LSM14B: variants seen among roughly 807,000 people sequenced by gnomAD.
LSM14B encodes LSM family member 14B.
LSM14B carries 8 observed loss-of-function variants against 42.1 expected under a neutral mutation model. That is an observed-to-expected ratio of 0.19 (90% confidence interval 0.11 to 0.34). The LOEUF (loss-of-function observed/expected upper bound fraction) is 0.34, where lower values mean the gene tolerates loss of function less well. LSM14B is among the 10% of genes least tolerant of loss of function. LSM14B has a pLI of 1.00. For missense variants in LSM14B, 396 were observed against 513.1 expected, an observed-to-expected ratio of 0.77 and a Z score of 2.21; for synonymous variants, 219 against 209.7, an observed-to-expected ratio of 1.04 and a Z score of -0.38.
At chr20:62,123,068 G>A (rs759085954) in intron 1 of LSM14B, 18 of 178,488 alleles carry the variant, frequency 1.0e-4, no homozygotes, top group Non-Finnish European at 1.5e-4. Context: ...CGGGCGCCCG[G>A]CGGTGTTTGG....
Position 62,122,539 on chromosome 20 carries a change from C to A in LSM14B, c.-128C>A, listed in dbSNP as rs1600902774. 2 of 665,894 alleles carry A rather than the reference C, an allele frequency of 3.0e-6. No homozygotes were observed. The highest frequency in any genetic ancestry group is 3.7e-6 in the Non-Finnish European group (2 of 538,298). The allele number at this position is 665,894 out of a possible 1,614,324, so 41.2% of individuals were successfully genotyped here. A position where few individuals can be genotyped will look rare whatever the true frequency, so the allele number is the denominator to read the frequency against. ...GGCCCCTCGGGCGGTGGCGAGGAGG[C>A]GCCCAGGCGGAGGCGGCGGCGGGCG... is the stretch of plus-strand genomic sequence containing the variant. On this transcript the variant is annotated 5_prime_UTR_variant, in exon 1 of 9. Coordinates refer to ENST00000279068, the MANE Select transcript of LSM14B (RefSeq NM_144703.3). This position sits in a 1 kb window ranked among gnomAD's most constrained non-coding sequence, Gnocchi z 4.6.
chr20:62,128,106 A>G (rs746922301), intron 3 of LSM14B: 2 of 450,750 alleles, frequency 4.4e-6, no homozygotes, highest in Non-Finnish European at 8.2e-6. Context: ...TTCATAGATC[A>G]CTCATTGAGG....
chr20:62,133,290 C>T lies in LSM14B; in HGVS notation c.987C>T (p.Ser329=). The change falls in exon 8 of 9, where the codon AGC becomes AGT. Residue 329 remains serine (S), a splice_region_variant and synonymous_variant. Transcript: ENST00000279068. ...FDNISSELKT[S]SRRTTWAEER... ...AATCAGCATTTCCTCTGTGGTTTAG[C>T]TCCAGGCGGACGACGTGGGCCGAAG... The T allele has an allele frequency of 6.2e-7, 1 of 1,613,278 alleles. No individual in the cohort carries two copies. Among genetic ancestry groups the T allele is most frequent in the South Asian group, 1.1e-5 (1 of 91,050 alleles).
chr20:62,128,491 CTT>C (rs199749774), intron 3 of LSM14B, among the ~76,000 whole-genome samples: 3 of 151,658 alleles, frequency 2.0e-5, no homozygotes, highest in African/African-American at 2.4e-5. Flanking sequence ...ACAGAGTAGT[CTT>C]TTTTTTTCCC....
chr20:62,130,324 G>GGGAC lies in LSM14B; in HGVS notation c.673+29_673+32dup, dbSNP rs1395336789. On this transcript the variant is annotated intron_variant, in intron 5 of 8. Transcript: ENST00000279068. This position sits in a 1 kb window ranked among gnomAD's most constrained non-coding sequence, Gnocchi z 4.1. ...AACACCTGTTGCCACTTGATTTCTG[G>GGGAC]GGACCACGAGTGATCAGGCTGAGCT... is the stretch of plus-strand genomic sequence containing the variant. The GGGAC allele has an allele frequency of 6.4e-7, 1 of 1,568,836 alleles. No individual in the cohort carries two copies. Among genetic ancestry groups the GGGAC allele is most frequent in the Admixed American group, 1.9e-5 (1 of 52,920 alleles).
intron 7 of LSM14B, among the ~76,000 whole-genome samples, chr20:62,131,876 G>T (rs1230638127): frequency 6.6e-6 from 1 of 152,234 alleles, no homozygotes; most frequent in African/African-American, 2.4e-5. Context: ...AGCAGCCTGA[G>T]GTATGGCTAG....
Position 62,122,807 on chromosome 20 carries a change from C to T in LSM14B, c.127+14C>T, listed in dbSNP as rs371351995. 6 of 1,482,180 alleles carry T rather than the reference C, an allele frequency of 4.0e-6. No individual in the cohort carries two copies. Among genetic ancestry groups the T allele is most frequent in the Non-Finnish European group, 5.4e-6 (6 of 1,106,546 alleles). 91.8% of individuals were successfully genotyped at this position (1,482,180 alleles called of 1,614,324 possible). A position where few individuals can be genotyped will look rare whatever the true frequency, so the allele number is the denominator to read the frequency against. The stretch of plus-strand genomic sequence containing the variant: ...CGCTCGCCAAAGGTAGCGGCCGCCG[C>T]CCGCCCGAGCCCGCTGACCCCCGTC... On this transcript the variant is annotated intron_variant, in intron 1 of 8. Coordinates refer to ENST00000279068, the MANE Select transcript of LSM14B (RefSeq NM_144703.3). This position sits in a 1 kb window ranked among gnomAD's most constrained non-coding sequence, Gnocchi z 4.6.
intron 3 of LSM14B, chr20:62,127,733 C>T (rs1230001842): frequency 5.0e-6 from 7 of 1,411,760 alleles, no homozygotes; most frequent in Non-Finnish European, 6.9e-6. Flanking sequence ...TGCATGCTGT[C>T]TTGCAAACCA....
chr20:62,134,067 G>C, intron 8 of LSM14B, 96 bp from the exon 9 acceptor site: 1 of 367,866 alleles, frequency 2.7e-6, no homozygotes, highest in Non-Finnish European at 5.5e-6. Context: ...TCTGACTCTG[G>C]GGGCAGGAGG....
intron 8 of LSM14B, among the ~76,000 whole-genome samples, chr20:62,133,826 G>A (rs6089660): frequency 0.65 from 98,453 of 152,220 alleles, 35,639 homozygotes; most frequent in Non-Finnish European, 0.8. Context: ...CCGGCCCTAA[G>A]TGAATCAGAG....
rs147288677 is a variant in LSM14B, at chr20:62,129,730, T to A, written c.428-55T>A. The stretch of plus-strand genomic sequence containing the variant: ...AGCAGAAGAGAAATGCCTGGAGATA[T>A]AAGGCTTGCTTCTTTTCTCTCTGTT... On this transcript the variant is annotated intron_variant, in intron 3 of 8. Coordinates refer to ENST00000279068, the MANE Select transcript of LSM14B (RefSeq NM_144703.3). 252 of 1,506,682 alleles carry A rather than the reference T, an allele frequency of 1.7e-4. 1 individual carries two copies. Among genetic ancestry groups the A allele is most frequent in the Non-Finnish European group, 2.1e-4 (234 of 1,119,136 alleles). The allele number at this position is 1,506,682 out of a possible 1,614,324, so 93.3% of individuals were successfully genotyped here.
At chr20:62,123,620 C>T (rs1227753872) in intron 1 of LSM14B, among the ~76,000 whole-genome samples, 1 of 152,174 alleles carries the variant, frequency 6.6e-6, no homozygotes, top group Non-Finnish European at 1.5e-5. Flanking sequence ...GTGCACTTCC[C>T]CTGCCTCTCA....
chr20:62,124,335 C>A (rs545326399), intron 1 of LSM14B, among the ~76,000 whole-genome samples: 1 of 152,236 alleles, frequency 6.6e-6, no homozygotes, highest in African/African-American at 2.4e-5. Context: ...GAGCTCTGTA[C>A]GTTGGTGCCT....
intron 3 of LSM14B, chr20:62,129,116 A>C: frequency 1.3e-6 from 1 of 767,000 alleles, no homozygotes; most frequent in South Asian, 1.5e-5. Flanking sequence ...CTCGGACTGC[A>C]GTTTCATAGG....
chr20:62,130,340 A>G lies in LSM14B; in HGVS notation c.673+44A>G. On this transcript the variant is annotated intron_variant, in intron 5 of 8. Transcript: ENST00000279068. The surrounding 1 kb of genome is among the most constrained non-coding windows in gnomAD (Gnocchi z 4.1). The stretch of plus-strand genomic sequence containing the variant: ...TGATTTCTGGGGACCACGAGTGATC[A>G]GGCTGAGCTCTGCTTGCCCTCCTGC... 6.4e-7 allele frequency: 1 copy of G among 1,560,004 alleles called. No individual in the cohort carries two copies. The highest frequency in any genetic ancestry group is 1.4e-5 in the African/African-American group (1 of 73,636).
In LSM14B at chr20:62,134,293, G is replaced by A. The variant is rs552697040; in HGVS notation, c.*145G>A. On this transcript the variant is annotated 3_prime_UTR_variant, in exon 9 of 9. Coordinates refer to ENST00000279068, the MANE Select transcript of LSM14B (RefSeq NM_144703.3). ...GACCCATACTGCTACTTGTGTTTTG[G>A]ACTTAACTGAACTTGGACATGGTCT... The A allele has an allele frequency of 6.1e-4, 288 of 471,822 alleles. 3 individuals are homozygous for A. The highest frequency in any genetic ancestry group is 4.2e-3 in the South Asian group (273 of 64,574). The allele number at this position is 471,822 out of a possible 1,614,324, so 29.2% of individuals were successfully genotyped here. A position where few individuals can be genotyped will look rare whatever the true frequency, so the allele number is the denominator to read the frequency against.
chr20:62,131,325 C>T, intron 6 of LSM14B, 31 bp from the exon 7 acceptor site: 4 of 1,561,476 alleles, frequency 2.6e-6, no homozygotes, highest in Non-Finnish European at 3.5e-6. Flanking sequence ...TGCCCCTCCT[C>T]CATCTCCACG....
chr20:62,126,898 G>C (rs2056623793), intron 3 of LSM14B, among the ~76,000 whole-genome samples: 1 of 152,158 alleles, frequency 6.6e-6, no homozygotes, highest in South Asian at 2.1e-4. Flanking sequence ...TTGGGGGGTT[G>C]AGGCATGAGA....
At chr20:62,129,413 T>A (rs1249928659) in intron 3 of LSM14B, among the ~76,000 whole-genome samples, 1 of 152,204 alleles carries the variant, frequency 6.6e-6, no homozygotes, top group Non-Finnish European at 1.5e-5. Flanking sequence ...GCTGCTGAGC[T>A]CCTTTGGGAT....
Sources: allele counts gnomAD v4.1 joint callset (sites outside exome capture counted in the v4.1 genomes callset), GRCh38; gene constraint gnomAD v4.1.1; non-coding constraint Gnocchi (gnomAD v3.1); transcripts MANE v1.5; gene names NCBI Gene and HGNC (gene_info 2026-07-23, HGNC 2026-07-21).